BIN3: variants seen among roughly 807,000 people sequenced by gnomAD.
BIN3 encodes the protein bridging integrator 3.
BIN3 carries 41 observed loss-of-function variants against 38.2 expected under a neutral mutation model. The ratio of observed to expected loss-of-function variants is 1.07; its 90% CI spans 0.84 to 1.39. The LOEUF (loss-of-function observed/expected upper bound fraction) is 1.39, where lower values mean the gene tolerates loss of function less well. Among genes scored for constraint, BIN3 ranks in the 40% most tolerant of loss-of-function variants. BIN3 has a pLI of 0.00. For synonymous variants in BIN3, 145 were observed against 122.6 expected (o/e 1.18, Z -1.21); for missense variants, 361 against 324.3 (o/e 1.11, Z -0.87).
chr8:22,621,667 C>T lies in BIN3; in HGVS notation c.616-99G>A, dbSNP rs575473427. ...CTTCTCTGCTACCCCCTGCCCTTAC[C>T]CATCTGGAGCTGTGCAGCAGCGTGC... On this transcript the variant is annotated intron_variant, in intron 8 of 8. Transcript: ENST00000276416. 27 of 1,263,042 alleles carry T rather than the reference C, an allele frequency of 2.1e-5. No individual in the cohort carries two copies. In the Admixed American group the frequency reaches 4.3e-4, roughly 20 times the overall value. 78.2% of individuals were successfully genotyped at this position (1,263,042 alleles called of 1,614,324 possible). A position where few individuals can be genotyped will look rare whatever the true frequency, so the allele number is the denominator to read the frequency against.
chr8:22,651,796 C>A (rs977737572), intron 1 of BIN3, among the ~76,000 whole-genome samples: 1 of 152,200 alleles, frequency 6.6e-6, no homozygotes, highest in Admixed American at 6.5e-5. Flanking sequence ...TTTTCATCCA[C>A]TGTGGTGGGT....
At chr8:22,665,189 C>T (rs772611471) in intron 1 of BIN3, among the ~76,000 whole-genome samples, 23 of 152,126 alleles carry the variant, frequency 1.5e-4, no homozygotes, top group Admixed American at 1.2e-3. Context: ...TCACAGGCAG[C>T]CTGACCTGGA....
rs1427409191 is a variant in BIN3, at chr8:22,620,953, C to T, written c.*469G>A. On this transcript the variant is annotated 3_prime_UTR_variant, in exon 9 of 9. Transcript: ENST00000276416. ...CTGAGGGCCTGCCAGGGCTGGAGGA[C>T]CAGCTCTCCCGCACAGGGTTCAGGG... 6.5e-6 allele frequency: 1 copy of T among 153,274 alleles called. No homozygotes were observed. Among genetic ancestry groups the T allele is most frequent in the African/African-American group, 2.4e-5 (1 of 41,446 alleles). The allele number at this position is 153,274 out of a possible 1,614,324, so 9.5% of individuals were successfully genotyped here.
At chr8:22,644,923 C>T (rs1802668222) in intron 1 of BIN3, 120 bp from the exon 2 acceptor site, 1 of 827,970 alleles carries the variant, frequency 1.2e-6, no homozygotes, top group Non-Finnish European at 2.0e-6. Flanking sequence ...CCATGGCTTG[C>T]TACTTGGACC....
At chr8:22,636,677 G>A (rs1802378355) in intron 3 of BIN3, 91 bp from the exon 4 acceptor site, 4 of 1,352,386 alleles carry the variant, frequency 3.0e-6, no homozygotes, top group Non-Finnish European at 4.1e-6. Flanking sequence ...CCAAGGAGGA[G>A]GAGAAAGGGA....
At chr8:22,624,107 T>C in intron 7 of BIN3, 58 bp from the exon 8 acceptor site, 1 of 517,546 alleles carries the variant, frequency 1.9e-6, no homozygotes, top group East Asian at 6.0e-5. Flanking sequence ...GGATACGGGA[T>C]GGGTGGGGTG....
intron 1 of BIN3, among the ~76,000 whole-genome samples, chr8:22,660,581 C>G (rs910374621): frequency 6.6e-6 from 1 of 152,190 alleles, no homozygotes; most frequent in Non-Finnish European, 1.5e-5. Context: ...GACTTCTAGG[C>G]CCCCTCCCTA....
chr8:22,653,494 CA>C (rs1802962555), intron 1 of BIN3, among the ~76,000 whole-genome samples: 1 of 152,208 alleles, frequency 6.6e-6, no homozygotes, highest in Non-Finnish European at 1.5e-5. Flanking sequence ...AAATTGACCA[CA>C]AAAGGTAACC....
chr8:22,621,544 TGTGCATTTCCGA>T lies in BIN3; in HGVS notation c.628_639del (p.Ser210_His213del). The T allele has an allele frequency of 3.1e-6, 5 of 1,613,836 alleles. No individual in the cohort carries two copies. Among genetic ancestry groups the T allele is most frequent in the Non-Finnish European group, 4.2e-6 (5 of 1,179,876 alleles). On this transcript the variant is annotated inframe_deletion, in exon 9 of 9. Transcript: ENST00000276416. ...TGATGGGACAGGTCTCCAAAGATCTTGTGCATTTCCGAGTAGTACACAACCTGGGGGAGGCGA... is the reference window on the plus strand; with the variant it reads ...TGATGGGACAGGTCTCCAAAGATCTTGTAGTACACAACCTGGGGGAGGCGA...
intron 6 of BIN3, chr8:22,625,663 C>T: frequency 4.7e-6 from 2 of 422,930 alleles, no homozygotes; most frequent in Admixed American, 6.8e-5. Context: ...TCTCTGCTCA[C>T]TGCAGCCTCC....
chr8:22,655,300 T>C (rs1399796361), intron 1 of BIN3, among the ~76,000 whole-genome samples: 1 of 122,490 alleles, frequency 8.2e-6, no homozygotes, highest in Non-Finnish European at 1.6e-5. Context: ...AATTTATCTG[T>C]TTTTTCTTTT....
intron 6 of BIN3, chr8:22,625,092 A>C: frequency 2.2e-6 from 1 of 452,900 alleles, no homozygotes; most frequent in South Asian, 5.5e-5. Flanking sequence ...AAATGCCCTG[A>C]GGACCTCCAC....
intron 6 of BIN3, among the ~76,000 whole-genome samples, chr8:22,629,237 TG>T (rs1475859665): frequency 6.6e-6 from 1 of 152,150 alleles, no homozygotes; most frequent in African/African-American, 2.4e-5. Flanking sequence ...AGGCACTGCC[TG>T]GGACCACCGC....
chr8:22,643,890 C>A (rs1802638594), intron 2 of BIN3, among the ~76,000 whole-genome samples: 1 of 152,208 alleles, frequency 6.6e-6, no homozygotes, highest in Non-Finnish European at 1.5e-5. Context: ...CATGTTAAAA[C>A]CAAGAGACCC....
chr8:22,633,465 G>C (rs1307889234), intron 4 of BIN3, among the ~76,000 whole-genome samples: 1 of 152,204 alleles, frequency 6.6e-6, no homozygotes, highest in East Asian at 1.9e-4. Flanking sequence ...AGAAAGTGAG[G>C]GTCTTGGACC....
chr8:22,621,444 A>T lies in BIN3; in HGVS notation c.740T>A (p.Leu247His). The T allele has an allele frequency of 6.2e-7, 1 of 1,613,576 alleles. No homozygotes were observed. The highest frequency in any genetic ancestry group is 8.5e-7 in the Non-Finnish European group (1 of 1,179,784). ...GATTCAGTCATCGGCCACAATGGAGAGGGCCCGGAGCTCACTGAGTTTGGC... is the reference window on the plus strand; with the variant it reads ...GATTCAGTCATCGGCCACAATGGAGTGGGCCCGGAGCTCACTGAGTTTGGC... The part of the protein sequence containing the change: ...NEAKLSELRA[L>H]SIVADD The change falls in exon 9 of 9, where the codon CTC (leucine) becomes CAC (histidine). Residue 247 changes from leucine (L) to histidine (H), a missense_variant. By Grantham distance (99) the Leu-to-His change is moderately conservative. Coordinates refer to ENST00000276416, the MANE Select transcript of BIN3 (RefSeq NM_018688.6).
chr8:22,661,349 A>ATTT (rs1563985988), intron 1 of BIN3, among the ~76,000 whole-genome samples: 7 of 66,814 alleles, frequency 1.0e-4, no homozygotes, highest in African/African-American at 1.8e-4. Context: ...TGAATGTATC[A>ATTT]TTCTTTTTTT....
At chr8:22,663,146 A>G (rs1803291122) in intron 1 of BIN3, among the ~76,000 whole-genome samples, 2 of 152,068 alleles carry the variant, frequency 1.3e-5, no homozygotes, top group African/African-American at 4.8e-5. Flanking sequence ...GAACAAGAAC[A>G]TAATAGAAAA....
At chr8:22,629,864 A>G in intron 6 of BIN3, 100 bp downstream of exon 6, 2 of 1,191,266 alleles carry the variant, frequency 1.7e-6, no homozygotes, top group Non-Finnish European at 2.4e-6. Context: ...CCCCATGGGA[A>G]TCTGGGGACA....
Sources: gnomAD v4.1 joint callset for allele counts (sites outside exome capture counted in the v4.1 genomes callset) on GRCh38, gnomAD v4.1.1 for gene constraint, MANE v1.5 for transcripts, NCBI Gene and HGNC (gene_info 2026-07-23, HGNC 2026-07-21) for gene names.